Variants in MYH6 observed in about 807,000 individuals in gnomAD.
The protein encoded by MYH6 is myosin-6.
MYH6 carries 126 observed loss-of-function variants against 223.2 expected under a neutral mutation model. The observed-to-expected ratio is 0.56, with a 90% CI of 0.49 to 0.65. The LOEUF (loss-of-function observed/expected upper bound fraction) is 0.65. MYH6 is among the 30% of genes least tolerant of loss of function. MYH6 has a pLI of 0.00. For missense variants in MYH6, 2,040 were observed against 2,536.4 expected, an observed-to-expected ratio of 0.80 and a Z score of 4.20; for synonymous variants, 978 against 1,010.2, an observed-to-expected ratio of 0.97 and a Z score of 0.61.
chr14:23,397,932 C>CTTCT lies in MYH6; in HGVS notation c.1892-320_1892-319insAGAA, dbSNP rs1891451894. On this transcript the variant is annotated intron_variant, in intron 15 of 38. Transcript: ENST00000405093. Reference sequence around the variant, plus strand: ...AGTTCTCCTCCTCCTCCTCCTCCTCCTCTTCTTCTTCTTCTTCTTCTTCTT... The same window carrying CTTCT: ...AGTTCTCCTCCTCCTCCTCCTCCTCCTTCTTCTTCTTCTTCTTCTTCTTCTTCTT... Among the ~76,000 whole-genome samples, 8 of 90,212 alleles carry CTTCT rather than the reference C, an allele frequency of 8.9e-5. 1 individual carries two copies. Among genetic ancestry groups the CTTCT allele is most frequent in the East Asian group, 7.6e-4 (2 of 2,630 alleles). The allele number at this position is 90,212 out of a possible 152,430, so 59.2% of individuals were successfully genotyped here.
Position 23,404,895 on chromosome 14 carries a change from C to T in MYH6, c.531-73G>A. On this transcript the variant is annotated intron_variant, in intron 6 of 38. Coordinates refer to ENST00000405093, the MANE Select transcript of MYH6 (RefSeq NM_002471.4). ...CATACAGGGCTCAGCATCACATGCT[C>T]CCCTTCCCAGCCTGGCCATCAGAGC... 4 of 1,526,338 alleles carry T rather than the reference C, an allele frequency of 2.6e-6. 1 individual carries two copies. Among genetic ancestry groups the T allele is most frequent in the Middle Eastern group, 3.4e-4 (2 of 5,894 alleles). 94.5% of individuals were successfully genotyped at this position (1,526,338 alleles called of 1,614,324 possible). A position where few individuals can be genotyped will look rare whatever the true frequency, so the allele number is the denominator to read the frequency against.
At chr14:23,394,384 C>T (rs1347228048) in intron 20 of MYH6, 61 bp from the exon 21 acceptor site, 1 of 1,605,434 alleles carries the variant, frequency 6.2e-7, no homozygotes, top group African/African-American at 1.3e-5. Flanking sequence ...CAATCATGGG[C>T]CCTACTAAGC....
At position 23,398,834 on chromosome 14, in the gene MYH6, C is replaced by T; in HGVS notation, c.1785G>A (p.Leu595=). 1 of 1,614,132 alleles carries T rather than the reference C, an allele frequency of 6.2e-7. No homozygotes were observed. Among genetic ancestry groups the T allele is most frequent in the Non-Finnish European group, 8.5e-7 (1 of 1,180,014 alleles). ...GTVDYNILGW[L]EKNKDPLNET... ...CGTTGAGAGGATCCTTGTTTTTTTC[C>T]AGCCAGCCCAGGATGTTGTAGTCCA... Residue 595 remains leucine (L), a synonymous_variant, in exon 15 of 39, where the codon CTG becomes CTA. Transcript: ENST00000405093.
At chr14:23,387,417 A>G in intron 32 of MYH6, 112 bp downstream of exon 32, 2 of 1,542,310 alleles carry the variant, frequency 1.3e-6, no homozygotes. Flanking sequence ...TGTTGAACAA[A>G]GAATATGGAA....
In MYH6 at chr14:23,386,049, T is replaced by A. The variant is rs1595049020; in HGVS notation, c.5042A>T (p.Asn1681Ile). 6.2e-7 allele frequency: 1 copy of A among 1,614,012 alleles called. No individual in the cohort carries two copies. The highest frequency in any genetic ancestry group is 1.3e-5 in the African/African-American group (1 of 74,906). ...ENIAIVERRN[N>I]LLQAELEELR... is the part of the protein sequence containing the mutation. Reference sequence around the variant, plus strand: ...CTCCTCCAGCTCAGCCTGCAGCAGGTTGTTGCGCCGCTCCACGATGGCGAT... The same window carrying A: ...CTCCTCCAGCTCAGCCTGCAGCAGGATGTTGCGCCGCTCCACGATGGCGAT... Residue 1681 changes from asparagine (N) to isoleucine (I), a missense_variant, in exon 34 of 39, where the codon AAC becomes ATC. Physicochemically the swap from Asn to Ile is moderately radical, Grantham distance 149. Around this residue, in one of 4 missense-constraint regions of MYH6, gnomAD observed 1,203 missense variants for 1,400.2 expected, o/e 0.86. Coordinates refer to ENST00000405093, the MANE Select transcript of MYH6 (RefSeq NM_002471.4).
At chr14:23,384,793 C>T in intron 35 of MYH6, 76 bp from the exon 36 acceptor site, 1 of 1,613,578 alleles carries the variant, frequency 6.2e-7, no homozygotes, top group South Asian at 1.1e-5. Flanking sequence ...TCTCCTTTCT[C>T]CCATCAGGCC....
chr14:23,398,984 A>G lies in MYH6; in HGVS notation c.1635T>C (p.Thr545=), dbSNP rs1595060609. The change falls in exon 15 of 39, where the codon ACT becomes ACC. Residue 545 remains threonine (T), a synonymous_variant. Transcript: ENST00000405093. ...ACAGCTTGGCCTTGAAGGTCATGTC[A>G]GTGGCCTTGGGGAACATGCACTCCT... The part of the protein sequence containing the change: ...LEEECMFPKA[T]DMTFKAKLYD... 1 of 1,614,114 alleles carries G rather than the reference A, an allele frequency of 6.2e-7. No homozygotes were observed. Among genetic ancestry groups the G allele is most frequent in the East Asian group, 2.2e-5 (1 of 44,866 alleles).
At position 23,402,785 on chromosome 14, in the gene MYH6, G is replaced by C; in HGVS notation, c.914C>G (p.Thr305Ser). Reference sequence around the variant, plus strand: ...GAAGGCGTAGTCGTAGGGATTGTTGGTGACCAGCAGCATGTCTGCACCAGG... The same window carrying C: ...GAAGGCGTAGTCGTAGGGATTGTTGCTGACCAGCAGCATGTCTGCACCAGG... ...KPELLDMLLVTNNPYDYAFVS... is the reference protein window; with the variant it reads ...KPELLDMLLVSNNPYDYAFVS... Residue 305 changes from threonine to serine, a missense_variant, in exon 11 of 39, where the codon ACC becomes AGC. Physicochemically the swap from Thr to Ser is moderately conservative, Grantham distance 58. Coordinates refer to ENST00000405093, the MANE Select transcript of MYH6 (RefSeq NM_002471.4). 1.9e-6 allele frequency: 3 copies of C among 1,612,920 alleles called. No individual in the cohort carries two copies. The highest frequency in any genetic ancestry group is 2.5e-6 in the Non-Finnish European group (3 of 1,179,650).
intron 36 of MYH6, among the ~76,000 whole-genome samples, chr14:23,384,013 G>C (rs988294363): frequency 1.3e-5 from 2 of 152,140 alleles, no homozygotes; most frequent in Non-Finnish European, 2.9e-5. Context: ...AGCTATGCAA[G>C]TGGAGGTTTT....
In MYH6 at chr14:23,388,141, C is replaced by T. The variant is rs774126907; in HGVS notation, c.4359+14G>A. ...TGCCCTGCATGCTGGCTGCGGCCCC[C>T]GCCCATGGTCCACCTTGTCAAAGTT... On this transcript the variant is annotated intron_variant, in intron 30 of 38. Coordinates refer to ENST00000405093, the MANE Select transcript of MYH6 (RefSeq NM_002471.4). 1.8e-5 allele frequency: 29 copies of T among 1,612,140 alleles called. No homozygotes were observed. Among genetic ancestry groups the T allele is most frequent in the Middle Eastern group, 2.2e-4 (1 of 4,516 alleles).
At chr14:23,400,556 C>A in intron 13 of MYH6, 130 bp from the exon 14 acceptor site, 1 of 1,580,620 alleles carries the variant, frequency 6.3e-7, no homozygotes, top group Non-Finnish European at 8.6e-7. Context: ...TGGAGGAGGG[C>A]TTCCCCTGAA....
chr14:23,390,336 C>A lies in MYH6; in HGVS notation c.3453G>T (p.Arg1151=), dbSNP rs778868159. 5 of 1,608,194 alleles carry A rather than the reference C, an allele frequency of 3.1e-6. No individual in the cohort carries two copies. Among genetic ancestry groups the A allele is most frequent in the South Asian group, 1.1e-5 (1 of 90,880 alleles). ...LSRELEEISE[R]LEEAGGATSV... Reference sequence around the variant, plus strand: ...ACGTGGCCCCGCCGGCCTCTTCCAGCCGCTCGCTGATCTCCTCCAGCTCCC... The same window carrying A: ...ACGTGGCCCCGCCGGCCTCTTCCAGACGCTCGCTGATCTCCTCCAGCTCCC... Residue 1151 remains arginine (R), a synonymous_variant, in exon 26 of 39, where the codon CGG becomes CGT. Coordinates refer to ENST00000405093, the MANE Select transcript of MYH6 (RefSeq NM_002471.4).
chr14:23,387,770 T>C lies in MYH6; in HGVS notation c.4513A>G (p.Lys1505Glu), dbSNP rs199796162. 1.2e-6 allele frequency: 2 copies of C among 1,614,062 alleles called. No homozygotes were observed. Among genetic ancestry groups the C allele is most frequent in the East Asian group, 2.2e-5 (1 of 44,858 alleles). ...EHLETFKREN[K>E]NLQEEISDLT... ...ACCCCCAGCACACCCTGAAGGTTCT[T>C]GTTCTCCCGCTTGAAGGTCTCTAGG... Residue 1505 changes from lysine (K) to glutamate (E), a missense_variant, in exon 31 of 39, where the codon AAG becomes GAG. By Grantham distance (56) the Lys-to-Glu change is moderately conservative (BLOSUM62 1). Transcript: ENST00000405093.
At chr14:23,389,939 G>T in intron 26 of MYH6, 118 bp downstream of exon 26, 1 of 1,595,334 alleles carries the variant, frequency 6.3e-7, no homozygotes, top group Non-Finnish European at 8.6e-7. Context: ...CAGGAAGAGA[G>T]ACCAAAGGGT....
In MYH6 at chr14:23,396,392, A is replaced by G. The variant is rs1405306434; in HGVS notation, c.2321T>C (p.Leu774Pro). The G allele has an allele frequency of 6.2e-7, 1 of 1,614,026 alleles. No individual in the cohort carries two copies. ...CCTCTCATCCCGCATCTCCTCCAGCAGCCCAAGCAGCCCTGCCTTGAAGAA... is the reference window on the plus strand; with the variant it reads ...CCTCTCATCCCGCATCTCCTCCAGCGGCCCAAGCAGCCCTGCCTTGAAGAA... Reference protein sequence around the residue: ...KVFFKAGLLGLLEEMRDERLS... With the variant: ...KVFFKAGLLGPLEEMRDERLS... Residue 774 changes from leucine to proline, a missense_variant, in exon 20 of 39, where the codon CTG (leucine) becomes CCG (proline). Coordinates refer to ENST00000405093, the MANE Select transcript of MYH6 (RefSeq NM_002471.4).
chr14:23,393,731 C>A lies in MYH6; in HGVS notation c.2863G>T (p.Asp955Tyr). The A allele has an allele frequency of 1.2e-6, 2 of 1,614,186 alleles. No homozygotes were observed. The highest frequency in any genetic ancestry group is 1.7e-6 in the Non-Finnish European group (2 of 1,180,032). ...AGTGTCAGCTCCAGGTCATCAATGT[C>A]CTTCTTGAGCTCTGAGCACTCGTCT... ...LEDECSELKK[D>Y]IDDLELTLAK... The change falls in exon 22 of 39, where the codon GAC becomes TAC. Residue 955 changes from aspartate to tyrosine, a missense_variant. Physicochemically the swap from Asp to Tyr is radical, Grantham distance 160. Around this residue, in one of 4 missense-constraint regions of MYH6, gnomAD observed 1,203 missense variants for 1,400.2 expected, o/e 0.86. Transcript: ENST00000405093.
chr14:23,385,784 A>C, intron 34 of MYH6, 144 bp downstream of exon 34: 2 of 1,169,906 alleles, frequency 1.7e-6, no homozygotes, highest in African/African-American at 1.5e-5. Context: ...ATGGTTCTGC[A>C]GCCACCACAG....
Position 23,386,640 on chromosome 14 carries a change from CG to C in MYH6, c.4651-18del. 6.8e-7 allele frequency: 1 copy of C among 1,469,174 alleles called. No individual in the cohort carries two copies. The highest frequency in any genetic ancestry group is 1.2e-5 in the South Asian group (1 of 86,790). 91.0% of individuals were successfully genotyped at this position (1,469,174 alleles called of 1,614,324 possible). ...CAGGGAGGCCTGGGAAGGGGTGGGG[CG>C]AGGGCGGGCAGACAGGGCACAGGGC... is the stretch of plus-strand genomic sequence containing the variant. On this transcript the variant is annotated intron_variant, in intron 32 of 38. Transcript: ENST00000405093.
In MYH6 at chr14:23,382,476, C is replaced by G. The variant is rs1566503504; in HGVS notation, c.5748G>C (p.Glu1916Asp). The change falls in exon 38 of 39, where the codon GAG (glutamate) becomes GAC (aspartate). Residue 1916 changes from glutamate (E) to aspartate (D), a missense_variant. Around this residue, in one of 4 missense-constraint regions of MYH6, gnomAD observed 1,203 missense variants for 1,400.2 expected, o/e 0.86. Transcript: ENST00000405093. The part of the protein sequence containing the change: ...DEAEERADIA[E>D]SQVNKLRAKS... Reference sequence around the variant, plus strand: ...TGGCTCGAAGCTTGTTGACCTGGGACTCAGCGATGTCCGCCCGCTCCTCTG... The same window carrying G: ...TGGCTCGAAGCTTGTTGACCTGGGAGTCAGCGATGTCCGCCCGCTCCTCTG... The G allele has an allele frequency of 6.2e-7, 1 of 1,614,176 alleles. No individual in the cohort carries two copies. The highest frequency in any genetic ancestry group is 8.5e-7 in the Non-Finnish European group (1 of 1,180,020).
Sources: gnomAD v4.1 joint callset for allele counts (sites outside exome capture counted in the v4.1 genomes callset) on GRCh38, gnomAD v4.1.1 for gene constraint, gnomAD v4.1.1 regional missense constraint, MANE v1.5 for transcripts, NCBI Gene and HGNC (gene_info 2026-07-23, HGNC 2026-07-21) for gene names.